The following IGSF5 variants were observed in gnomAD, a reference collection of about 807,000 sequenced individuals.
The protein encoded by IGSF5 is immunoglobulin superfamily 5 like.
IGSF5 carries 41 observed loss-of-function variants against 39.4 expected under a neutral mutation model. The ratio of observed to expected loss-of-function variants is 1.04; its 90% CI spans 0.81 to 1.35. IGSF5 has a LOEUF of 1.35. Ranked by LOEUF, IGSF5 falls within the 40% of genes most tolerant of loss-of-function variation. The pLI, the probability that IGSF5 is intolerant of heterozygous loss-of-function variation, is 0.00. For synonymous variants in IGSF5, 183 were observed against 175.3 expected (o/e 1.04, Z -0.34); for missense variants, 487 against 494.6 (o/e 0.98, Z 0.15).
rs1461967311 is a variant in IGSF5, at chr21:39,746,266, G to A, written c.68G>A (p.Gly23Asp). ...PDLEEWKSAA[G>D]LRWWQTAVVD... ...CTGGAGGAATGGAAGTCAGCGGCGG[G>A]TCTGCGATGGTGGCAAACAGCAGTG... Residue 23 changes from glycine to aspartate, a missense_variant, in exon 2 of 9, where the codon GGT (glycine) becomes GAT (aspartate). Gly to Asp is a moderately conservative substitution (Grantham distance 94). Coordinates refer to ENST00000380588, the MANE Select transcript of IGSF5 (RefSeq NM_001080444.2). The A allele has an allele frequency of 1.4e-6, 1 of 701,598 alleles. No individual in the cohort carries two copies. Among genetic ancestry groups the A allele is most frequent in the Non-Finnish European group, 2.6e-6 (1 of 384,748 alleles). The allele number at this position is 701,598 out of a possible 1,614,324, so 43.5% of individuals were successfully genotyped here.
chr21:39,790,445 G>A (rs1482667498), intron 6 of IGSF5, among the ~76,000 whole-genome samples: 1 of 152,072 alleles, frequency 6.6e-6, no homozygotes, highest in East Asian at 1.9e-4. Context: ...GATCCCTTGA[G>A]CCCAGGAGTT....
At chr21:39,778,230 A>G (rs2080150854) in intron 4 of IGSF5, among the ~76,000 whole-genome samples, 2 of 152,174 alleles carry the variant, frequency 1.3e-5, no homozygotes, top group Non-Finnish European at 2.9e-5. Context: ...ATCTGTGGTG[A>G]CTGAGCACTT....
In IGSF5 at chr21:39,746,229, A is replaced by G. The variant is rs757258163; in HGVS notation, c.31A>G (p.Thr11Ala). 4 of 701,594 alleles carry G rather than the reference A, an allele frequency of 5.7e-6. No homozygotes were observed. The highest frequency in any genetic ancestry group is 1.0e-5 in the Non-Finnish European group (4 of 384,770). 43.5% of individuals were successfully genotyped at this position (701,594 alleles called of 1,614,324 possible). The change falls in exon 2 of 9, where the codon ACT becomes GCT. Residue 11 changes from threonine (T) to alanine (A), a missense_variant. Physicochemically the swap from Thr to Ala is moderately conservative, Grantham distance 58. Coordinates refer to ENST00000380588, the MANE Select transcript of IGSF5 (RefSeq NM_001080444.2). ...TCACTGGATCAGGAGCACAGCAGAT[A>G]CTCTGCCGGATCTGGAGGAATGGAA... MGQKERSTADTLPDLEEWKSA... is the reference protein window; with the variant it reads MGQKERSTADALPDLEEWKSA...
the IGSF5 span, among the ~76,000 whole-genome samples, chr21:39,723,875 G>T: frequency 6.6e-6 from 1 of 152,032 alleles, no homozygotes; most frequent in East Asian, 1.9e-4. Flanking sequence ...GGCCTGGCAT[G>T]GTGGCTCATG....
intron 2 of IGSF5, among the ~76,000 whole-genome samples, chr21:39,756,803 A>G (rs1344745257): frequency 1.3e-5 from 2 of 152,078 alleles, no homozygotes; most frequent in Non-Finnish European, 2.9e-5. Context: ...TAGGGGAGAG[A>G]AAAAAGCAAA....
chr21:39,716,891 A>T, the IGSF5 span, among the ~76,000 whole-genome samples: 2 of 152,216 alleles, frequency 1.3e-5, no homozygotes, highest in Non-Finnish European at 2.9e-5. Flanking sequence ...GTCAAATGCT[A>T]GTTCTGCTTT....
At chr21:39,768,299 G>A (rs1173861530) in intron 3 of IGSF5, among the ~76,000 whole-genome samples, 2 of 152,206 alleles carry the variant, frequency 1.3e-5, no homozygotes, top group East Asian at 3.9e-4. Context: ...CTTGAAAAAA[G>A]AGGAAACAAC....
chr21:39,800,375 A>C (rs888724365), intron 8 of IGSF5, among the ~76,000 whole-genome samples: 1 of 152,206 alleles, frequency 6.6e-6, no homozygotes, highest in African/African-American at 2.4e-5. Flanking sequence ...AAACAGAAAT[A>C]CATACTTGAT....
At chr21:39,766,166 C>T (rs367781924) in intron 3 of IGSF5, among the ~76,000 whole-genome samples, 1 of 152,124 alleles carries the variant, frequency 6.6e-6, no homozygotes, top group African/African-American at 2.4e-5. Flanking sequence ...ATTTATCCCC[C>T]TTCTTCCTCA....
intron 2 of IGSF5, among the ~76,000 whole-genome samples, chr21:39,763,828 A>C (rs921089996): frequency 6.6e-6 from 1 of 152,194 alleles, no homozygotes; most frequent in Non-Finnish European, 1.5e-5. Context: ...TTCAGAGTTC[A>C]TGGAAAGGGC....
intron 4 of IGSF5, among the ~76,000 whole-genome samples, chr21:39,776,913 CA>C (rs1474927958): frequency 1.3e-5 from 2 of 152,178 alleles, no homozygotes; most frequent in Non-Finnish European, 2.9e-5. Context: ...ATGCAAACTT[CA>C]GTTCGTAAGA....
the IGSF5 span, among the ~76,000 whole-genome samples, chr21:39,732,189 A>G: frequency 6.6e-6 from 1 of 152,222 alleles, no homozygotes; most frequent in East Asian, 1.9e-4. Context: ...GAAGCAGGAC[A>G]GGACATTACC....
chr21:39,788,647 G>A lies in IGSF5; in HGVS notation c.956+459G>A, dbSNP rs558886054. On this transcript the variant is annotated intron_variant, in intron 6 of 8. Coordinates refer to ENST00000380588, the MANE Select transcript of IGSF5 (RefSeq NM_001080444.2). The stretch of plus-strand genomic sequence containing the variant: ...AGGCAGACAAATTAGGCAGTGTTCG[G>A]TGCTCATTCAGCCGTGGGGAGCGGA... Among the ~76,000 whole-genome samples the A allele has an allele frequency of 3.2e-4, 48 of 152,336 alleles. 1 individual carries two copies. In the South Asian group the frequency reaches 4.1e-3, roughly 13 times the overall value.
chr21:39,762,949 C>T (rs192081667), intron 2 of IGSF5, among the ~76,000 whole-genome samples: 4 of 152,142 alleles, frequency 2.6e-5, no homozygotes, highest in East Asian at 1.9e-4. Context: ...GCTCTGCCCC[C>T]CATCTGGCTG....
At chr21:39,798,783 G>A (rs1166254111) in intron 8 of IGSF5, among the ~76,000 whole-genome samples, 1 of 152,230 alleles carries the variant, frequency 6.6e-6, no homozygotes, top group East Asian at 1.9e-4. Flanking sequence ...TTTCAGTTAA[G>A]GTCCAGCATG....
chr21:39,771,092 G>A lies in IGSF5; in HGVS notation c.595G>A (p.Ala199Thr), dbSNP rs1315401201. Reference sequence around the variant, plus strand: ...TCCGGAGCCCAGCGACCTTCAAAGTGCAGTGAGCATCCTGGCTCTGACCCC... The same window carrying A: ...TCCGGAGCCCAGCGACCTTCAAAGTACAGTGAGCATCCTGGCTCTGACCCC... ...FVPEPSDLQSAVSILALTPQS... is the reference protein window; with the variant it reads ...FVPEPSDLQSTVSILALTPQS... The change falls in exon 4 of 9, where the codon GCA (alanine) becomes ACA (threonine). Residue 199 changes from alanine (A) to threonine (T), a missense_variant. Physicochemically the swap from Ala to Thr is moderately conservative, Grantham distance 58 (BLOSUM62 0). Coordinates refer to ENST00000380588, the MANE Select transcript of IGSF5 (RefSeq NM_001080444.2). The A allele has an allele frequency of 6.2e-7, 1 of 1,613,588 alleles. No individual in the cohort carries two copies. The highest frequency in any genetic ancestry group is 1.3e-5 in the African/African-American group (1 of 74,900).
At chr21:39,772,516 A>C (rs1334065199) in intron 4 of IGSF5, among the ~76,000 whole-genome samples, 1 of 152,034 alleles carries the variant, frequency 6.6e-6, no homozygotes, top group Non-Finnish European at 1.5e-5. Flanking sequence ...GCTGGGAGGG[A>C]GCCTCTGTTC....
At chr21:39,751,606 C>A (rs2080005962) in intron 2 of IGSF5, among the ~76,000 whole-genome samples, 1 of 126,060 alleles carries the variant, frequency 7.9e-6, no homozygotes, top group East Asian at 2.7e-4. Flanking sequence ...TGAGACTTGG[C>A]TGAAATTTGA....
upstream of IGSF5, among the ~76,000 whole-genome samples, chr21:39,740,388 T>C (rs1177390601): frequency 6.6e-6 from 1 of 152,220 alleles, no homozygotes; most frequent in Admixed American, 6.5e-5. Context: ...TGATGTTTGA[T>C]AGGTGTTCCC....
Sources: allele counts gnomAD v4.1 joint callset (sites outside exome capture counted in the v4.1 genomes callset), GRCh38; gene constraint gnomAD v4.1.1; transcripts MANE v1.5; gene names NCBI Gene and HGNC (gene_info 2026-07-23, HGNC 2026-07-21).